Variants in CELF2 observed in about 807,000 individuals in gnomAD.
CELF2 encodes CUG triplet repeat RNA-binding protein 2.
Under a neutral mutation model 62.6 loss-of-function variants are expected in CELF2, and 8 were observed. That is an observed-to-expected ratio of 0.13 (90% confidence interval 0.07 to 0.23). The LOEUF is 0.23. CELF2 is among the 10% of genes least tolerant of loss of function. The pLI is 1.00. For synonymous variants in CELF2, 258 were observed against 250.0 expected, an observed-to-expected ratio of 1.03 and a Z score of -0.30; for missense variants, 333 against 671.0, an observed-to-expected ratio of 0.50 and a Z score of 5.56.
At position 11,234,695 on chromosome 10, in the gene CELF2, A is replaced by AC. The variant is rs1214579152; in HGVS notation, c.355-14458_355-14457insC. 3.3e-5 allele frequency among the ~76,000 whole-genome samples: 5 copies of AC among 151,500 alleles called. No homozygotes were observed. The South Asian group carries it at 8.4e-4, about 25-fold the overall frequency. ...ACTCCATCTCAAAAAAAAAAAAAAA[A>AC]AAAAAATTCAAGTTCTTTACAAACT... On this transcript the variant is annotated intron_variant, in intron 3 of 12. Coordinates refer to ENST00000633077, the MANE Select transcript of CELF2 (RefSeq NM_001326342.2).
chr10:11,104,366 C>G (rs2052750781), intron 1 of CELF2, among the ~76,000 whole-genome samples: 2 of 152,128 alleles, frequency 1.3e-5, no homozygotes, highest in African/African-American at 4.8e-5. Context: ...CCTTATGAAC[C>G]TAAGTATTTC....
At chr10:10,632,971 TAC>T in the CELF2 span, among the ~76,000 whole-genome samples, 2 of 152,224 alleles carry the variant, frequency 1.3e-5, no homozygotes, top group Non-Finnish European at 2.9e-5. Context: ...TATCAGTAAA[TAC>T]AGAGATGCCT....
rs914341719 is a variant in CELF2 at position 11,110,493 on chromosome 10, G to A, written c.75-54993G>A. On this transcript the variant is annotated intron_variant, in intron 1 of 12. Transcript: ENST00000633077. This position sits in a 1 kb window ranked among gnomAD's most constrained non-coding sequence, Gnocchi z 4.0. Reference sequence around the variant, plus strand: ...AAGCTTCTGCTTATTTTTCTGCTTCGTCTAAACACTGCTAGATTGATGAAA... The same window carrying A: ...AAGCTTCTGCTTATTTTTCTGCTTCATCTAAACACTGCTAGATTGATGAAA... 1.2e-4 allele frequency among the ~76,000 whole-genome samples: 19 copies of A among 152,078 alleles called. No homozygotes were observed. Among genetic ancestry groups the A allele is most frequent in the East Asian group, 1.9e-4 (1 of 5,186 alleles).
At chr10:10,658,695 T>C in the CELF2 span, among the ~76,000 whole-genome samples, 3 of 152,182 alleles carry the variant, frequency 2.0e-5, no homozygotes, top group Non-Finnish European at 4.4e-5. Context: ...TAAAATACAT[T>C]CTATCTTGTT....
upstream of CELF2, among the ~76,000 whole-genome samples, chr10:11,013,110 A>G (rs797015182): frequency 3.8e-4 from 58 of 152,298 alleles, no homozygotes; most frequent in African/African-American, 1.3e-3. The surrounding 1 kb of genome is among the most constrained non-coding windows in gnomAD (Gnocchi z 4.1). Context: ...GGCCTTGGTC[A>G]AGGCAAGTCA....
intron 1 of CELF2, among the ~76,000 whole-genome samples, chr10:10,815,974 A>G (rs1344276312): frequency 1.3e-5 from 2 of 149,672 alleles, no homozygotes; most frequent in Non-Finnish European, 1.5e-5. Context: ...TTTTTGGCAG[A>G]CGATGTTTTA....
chr10:10,832,578 G>C (rs1034288984), intron 1 of CELF2, among the ~76,000 whole-genome samples: 1 of 152,210 alleles, frequency 6.6e-6, no homozygotes, highest in Admixed American at 6.5e-5. Context: ...GAAGAGTGAT[G>C]ATAGCTTTGT....
At chr10:10,770,437 G>A in the CELF2 span, among the ~76,000 whole-genome samples, 5 of 152,038 alleles carry the variant, frequency 3.3e-5, no homozygotes, top group Non-Finnish European at 5.9e-5. Flanking sequence ...CTGGGAGAAT[G>A]AGGTTGCAGG....
chr10:11,121,526 G>A (rs565313057), intron 1 of CELF2, among the ~76,000 whole-genome samples: 1 of 152,106 alleles, frequency 6.6e-6, no homozygotes, highest in African/African-American at 2.4e-5. Flanking sequence ...TATGTGGTTG[G>A]TACCATGTTG....
At chr10:10,792,073 GAGGA>G in the CELF2 span, among the ~76,000 whole-genome samples, 1 of 140,444 alleles carries the variant, frequency 7.1e-6, no homozygotes, top group East Asian at 2.4e-4. Flanking sequence ...AGGGAGGAAG[GAGGA>G]AAGGGAGGGA....
In CELF2 at chr10:11,296,560, C is replaced by T. The variant is rs150340315; in HGVS notation, c.976+8008C>T. 1.6e-3 allele frequency among the ~76,000 whole-genome samples: 242 copies of T among 152,246 alleles called. 2 individuals carry two copies. Among genetic ancestry groups the T allele is most frequent in the African/African-American group, 5.6e-3 (234 of 41,532 alleles). Reference sequence around the variant, plus strand: ...TATTCTAGTCACAACTTCCCAGAAGCGTATACTGTAAGTTCCATTTCTTCA... The same window carrying T: ...TATTCTAGTCACAACTTCCCAGAAGTGTATACTGTAAGTTCCATTTCTTCA... On this transcript the variant is annotated intron_variant, in intron 9 of 12. Coordinates refer to ENST00000633077, the MANE Select transcript of CELF2 (RefSeq NM_001326342.2). The surrounding 1 kb of genome is among the most constrained non-coding windows in gnomAD (Gnocchi z 5.0).
At chr10:10,771,968 A>C in the CELF2 span, among the ~76,000 whole-genome samples, 1 of 152,186 alleles carries the variant, frequency 6.6e-6, no homozygotes, top group Non-Finnish European at 1.5e-5. Flanking sequence ...TAAGTACATC[A>C]ACCTGCTATT....
the CELF2 span, among the ~76,000 whole-genome samples, chr10:10,466,636 A>G: frequency 6.6e-6 from 1 of 152,168 alleles, no homozygotes; most frequent in Non-Finnish European, 1.5e-5. Context: ...GCAGTTTTCC[A>G]AAGTGGCTGT....
upstream of CELF2, chr10:11,005,291 A>C: frequency 2.6e-6 from 4 of 1,553,586 alleles, no homozygotes; most frequent in Non-Finnish European, 3.5e-6. The surrounding 1 kb of genome is among the most constrained non-coding windows in gnomAD (Gnocchi z 4.3). Context: ...AGAGAGAGAG[A>C]GAGGGAGGAG....
At chr10:11,132,335 ACAAGGTAGGTTGTCTTT>A (rs1055596391) in intron 1 of CELF2, among the ~76,000 whole-genome samples, 57 of 152,320 alleles carry the variant, frequency 3.7e-4, no homozygotes, top group African/African-American at 1.3e-3. Flanking sequence ...CCCAGTTTTT[ACAAGGTAGGTTGTCTTT>A]TCAGGAGAGC....
At chr10:10,616,093 A>C in the CELF2 span, among the ~76,000 whole-genome samples, 1 of 152,118 alleles carries the variant, frequency 6.6e-6, no homozygotes, top group Non-Finnish European at 1.5e-5. Context: ...ATTGGCATAT[A>C]AGGTGACTGA....
At chr10:10,684,161 G>A in the CELF2 span, among the ~76,000 whole-genome samples, 1 of 152,322 alleles carries the variant, frequency 6.6e-6, no homozygotes, top group South Asian at 2.1e-4. Context: ...GGCTATTTCA[G>A]TAGGAGTCAA....
chr10:10,570,139 G>T, the CELF2 span, among the ~76,000 whole-genome samples: 1 of 152,148 alleles, frequency 6.6e-6, no homozygotes, highest in Non-Finnish European at 1.5e-5. Flanking sequence ...CTTGCATATA[G>T]GGAGCTGTGG....
At chr10:10,691,325 A>G in the CELF2 span, among the ~76,000 whole-genome samples, 54 of 151,038 alleles carry the variant, frequency 3.6e-4, no homozygotes, top group South Asian at 0.011. Context: ...GTCCCTACAA[A>G]GGACATGAAC....
Sources: gnomAD v4.1 joint callset for allele counts (sites outside exome capture counted in the v4.1 genomes callset) on GRCh38, gnomAD v4.1.1 for gene constraint, Gnocchi (gnomAD v3.1) non-coding constraint, MANE v1.5 for transcripts, NCBI Gene and HGNC (gene_info 2026-07-23, HGNC 2026-07-21) for gene names.